NKAIN3: variants seen among roughly 807,000 people sequenced by gnomAD.
The protein encoded by NKAIN3 is sodium/potassium transporting ATPase interacting 3.
A neutral mutation model predicts 30.2 loss-of-function variants in NKAIN3; 25 were observed. The ratio of observed to expected loss-of-function variants is 0.83; its 90% CI spans 0.60 to 1.16. NKAIN3 has a LOEUF of 1.16. Ranked by LOEUF, NKAIN3 falls within the 50% of genes most tolerant of loss-of-function variation. The probability of loss-of-function intolerance (pLI) is 0.00; values close to 1 mark genes in which losing one functional copy is unlikely to be tolerated. For missense variants in NKAIN3, 225 were observed against 254.1 expected, an observed-to-expected ratio of 0.89 and a Z score of 0.78; for synonymous variants, 91 against 89.6, an observed-to-expected ratio of 1.02 and a Z score of -0.09.
chr8:62,855,555 A>T, intron 4 of NKAIN3: 1 of 1,533,032 alleles, frequency 6.5e-7, no homozygotes, highest in Admixed American at 1.7e-5. Context: ...ACCACCAGGG[A>T]GTCCAATCTT....
rs564100634 is a variant in NKAIN3, at chr8:62,904,864, C to T, written c.472-13589C>T. Among the ~76,000 whole-genome samples, 65 of 152,198 alleles carry T rather than the reference C, an allele frequency of 4.3e-4. No individual in the cohort carries two copies. In the South Asian group the frequency reaches 4.4e-3, roughly 10 times the overall value. On this transcript the variant is annotated intron_variant, in intron 4 of 6. Transcript: ENST00000623646. Reference sequence around the variant, plus strand: ...CATGTAAATAAGTATAATCACCATGCGAAATGTGCCTTATTCAAGGAGTAT... The same window carrying T: ...CATGTAAATAAGTATAATCACCATGTGAAATGTGCCTTATTCAAGGAGTAT...
chr8:62,852,527 T>A (rs1819940964), intron 4 of NKAIN3, among the ~76,000 whole-genome samples: 1 of 152,202 alleles, frequency 6.6e-6, no homozygotes, highest in Admixed American at 6.5e-5. Context: ...GCTTCTCTAG[T>A]TCTTTTAATT....
In NKAIN3 at chr8:62,480,041, T is replaced by A. The variant is rs187458003; in HGVS notation, c.55-99498T>A. On this transcript the variant is annotated intron_variant, in intron 1 of 6. Transcript: ENST00000623646. ...TTGTTTTTATATAGCATCTCTTTTC[T>A]CAAAAATTTAAATTGGAATTCAGTC... is the stretch of plus-strand genomic sequence containing the variant. Among the ~76,000 whole-genome samples the A allele has an allele frequency of 2.5e-3, 383 of 152,306 alleles. 1 individual carries two copies. The highest frequency in any genetic ancestry group is 8.8e-3 in the African/African-American group (367 of 41,558).
At chr8:62,798,923 T>C (rs1817961481) in intron 4 of NKAIN3, among the ~76,000 whole-genome samples, 5 of 152,098 alleles carry the variant, frequency 3.3e-5, no homozygotes, top group Admixed American at 3.3e-4. Context: ...AACTGGACTA[T>C]AATGCCTTTG....
intron 3 of NKAIN3, among the ~76,000 whole-genome samples, chr8:62,611,137 A>T (rs986055435): frequency 4.6e-5 from 7 of 152,104 alleles, no homozygotes; most frequent in African/African-American, 1.7e-4. Flanking sequence ...ACCCAGTTAT[A>T]TATGTTCACC....
chr8:62,956,250 C>A (rs951974487), intron 6 of NKAIN3, among the ~76,000 whole-genome samples: 4 of 152,098 alleles, frequency 2.6e-5, no homozygotes, highest in African/African-American at 9.7e-5. Flanking sequence ...ACCTTCTGTG[C>A]GAAATTGTTA....
At chr8:62,297,410 C>T (rs1169938595) in intron 1 of NKAIN3, among the ~76,000 whole-genome samples, 219 of 152,024 alleles carry the variant, frequency 1.4e-3, no homozygotes, top group African/African-American at 4.8e-3. Context: ...AGAAAATTTT[C>T]GCAACCTACT....
At chr8:62,802,867 C>T (rs1005829874) in intron 4 of NKAIN3, among the ~76,000 whole-genome samples, 3 of 152,092 alleles carry the variant, frequency 2.0e-5, no homozygotes, top group Admixed American at 1.3e-4. Context: ...ATTCAGGAAA[C>T]CCATCTCACG....
At chr8:62,410,928 C>T (rs564123458) in intron 1 of NKAIN3, among the ~76,000 whole-genome samples, 46 of 152,210 alleles carry the variant, frequency 3.0e-4, no homozygotes, top group African/African-American at 9.9e-4. Flanking sequence ...AGGCAGTGGA[C>T]GAGATTAATT....
At chr8:62,731,599 T>C (rs1346959959) in intron 3 of NKAIN3, among the ~76,000 whole-genome samples, 2 of 152,136 alleles carry the variant, frequency 1.3e-5, no homozygotes, top group Admixed American at 6.5e-5. Flanking sequence ...GAACCCTTCC[T>C]GCCTAGGAAG....
At chr8:62,931,869 C>A (rs1822628238) in intron 5 of NKAIN3, among the ~76,000 whole-genome samples, 1 of 152,116 alleles carries the variant, frequency 6.6e-6, no homozygotes, top group Non-Finnish European at 1.5e-5. Flanking sequence ...TGTTGATATT[C>A]CATTTGCTTC....
At chr8:62,253,252 T>C (rs1354666595) in intron 1 of NKAIN3, among the ~76,000 whole-genome samples, 1 of 152,240 alleles carries the variant, frequency 6.6e-6, no homozygotes, top group Non-Finnish European at 1.5e-5. Context: ...AATAGGCAGC[T>C]TCTAACTCAT....
chr8:62,682,665 G>A (rs1488635479), intron 3 of NKAIN3, among the ~76,000 whole-genome samples: 1 of 152,076 alleles, frequency 6.6e-6, no homozygotes. Flanking sequence ...AGTGAGACTG[G>A]CCTTTTAAGT....
intron 1 of NKAIN3, among the ~76,000 whole-genome samples, chr8:62,374,384 A>G (rs575959663): frequency 1.0e-3 from 157 of 152,306 alleles, no homozygotes; most frequent in South Asian, 1.2e-3. Flanking sequence ...AACTCTAGTT[A>G]GCATAAATTG....
At chr8:62,451,072 T>C (rs1166206725) in intron 1 of NKAIN3, among the ~76,000 whole-genome samples, 2 of 152,188 alleles carry the variant, frequency 1.3e-5, no homozygotes, top group Non-Finnish European at 2.9e-5. Flanking sequence ...TAATTATCTT[T>C]TTTATTATAT....
At chr8:62,945,472 A>C (rs912196946) in intron 5 of NKAIN3, among the ~76,000 whole-genome samples, 8 of 152,190 alleles carry the variant, frequency 5.3e-5, no homozygotes, top group African/African-American at 1.7e-4. Context: ...GGTGACCCGC[A>C]GGCTTGTTCT....
chr8:62,637,682 C>T (rs1812176473), intron 3 of NKAIN3, among the ~76,000 whole-genome samples: 2 of 152,092 alleles, frequency 1.3e-5, no homozygotes, highest in Admixed American at 6.5e-5. Flanking sequence ...ATTCAAATTG[C>T]ACAGCGATGG....
At position 62,471,848 on chromosome 8, in the gene NKAIN3, G is replaced by A. The variant is rs140486734; in HGVS notation, c.55-107691G>A. Among the ~76,000 whole-genome samples the A allele has an allele frequency of 2.8e-3, 423 of 152,220 alleles. 1 individual carries two copies. Among genetic ancestry groups the A allele is most frequent in the Non-Finnish European group, 4.7e-3 (321 of 68,006 alleles). ...TGTAGTCCCAGGTACTCAGAAGGCT[G>A]AGAGAACAATTGCTTGAGCCCAAGA... is the stretch of plus-strand genomic sequence containing the variant. On this transcript the variant is annotated intron_variant, in intron 1 of 6. Transcript: ENST00000623646.
At chr8:62,337,016 A>G (rs1434717006) in intron 1 of NKAIN3, among the ~76,000 whole-genome samples, 2 of 152,106 alleles carry the variant, frequency 1.3e-5, no homozygotes, top group Non-Finnish European at 2.9e-5. Flanking sequence ...GCAGATGGCT[A>G]GAGAGTGGGC....
Sources: gnomAD v4.1 joint callset for allele counts (sites outside exome capture counted in the v4.1 genomes callset) on GRCh38, gnomAD v4.1.1 for gene constraint, MANE v1.5 for transcripts, NCBI Gene and HGNC (gene_info 2026-07-23, HGNC 2026-07-21) for gene names.